Variants in KLHL28 observed in about 807,000 individuals in gnomAD.
The protein encoded by KLHL28 is kelch like family member 28, also known as kelch-like protein 28.
A neutral mutation model predicts 48.3 loss-of-function variants in KLHL28; 22 were observed. The ratio of observed to expected loss-of-function variants is 0.46; its 90% CI spans 0.33 to 0.65. KLHL28 has a LOEUF of 0.65. Among genes scored for constraint, KLHL28 ranks in the 30% least tolerant of loss-of-function variants. The probability of loss-of-function intolerance (pLI) is 0.03; values close to 1 mark genes in which losing one functional copy is unlikely to be tolerated. For synonymous variants in KLHL28, 243 were observed against 242.4 expected, an observed-to-expected ratio of 1.00 and a Z score of -0.02; for missense variants, 527 against 704.3, an observed-to-expected ratio of 0.75 and a Z score of 2.85.
rs770354783 is a variant in KLHL28 at position 44,945,504 on chromosome 14, C to T, written c.425G>A (p.Arg142His). The change falls in exon 2 of 5, where the codon CGT becomes CAT. Residue 142 changes from arginine to histidine, a missense_variant. Coordinates refer to ENST00000396128, the MANE Select transcript of KLHL28 (RefSeq NM_017658.5). Reference sequence around the variant, plus strand: ...ACGGCAACCATATGTTTCTGCAAAACGAGAAATTCCAATACAATTACCAGG... The same window carrying T: ...ACGGCAACCATATGTTTCTGCAAAATGAGAAATTCCAATACAATTACCAGG... The part of the protein sequence containing the change: ...LDPGNCIGIS[R>H]FAETYGCRDL... 27 of 1,614,148 alleles carry T rather than the reference C, an allele frequency of 1.7e-5. No individual in the cohort carries two copies. Among genetic ancestry groups the T allele is most frequent in the East Asian group, 4.5e-5 (2 of 44,886 alleles).
chr14:44,961,653 GAGGAA>G (rs1344366456), intron 1 of KLHL28, 188 bp downstream of exon 1: 2 of 152,194 alleles, frequency 1.3e-5, no homozygotes, highest in Admixed American at 1.3e-4. Context: ...CAGATGGCAA[GAGGAA>G]AGGATCGCAG....
intron 1 of KLHL28, among the ~76,000 whole-genome samples, chr14:44,955,475 CAGA>C (rs1884755199): frequency 1.3e-5 from 2 of 152,008 alleles, no homozygotes. Context: ...ATGTCTGGGG[CAGA>C]AGATGTCAAG....
Position 44,945,487 on chromosome 14 carries a change from CAT to C in KLHL28, c.440_441del (p.Tyr147TrpfsTer4). 2 of 1,614,132 alleles carry C rather than the reference CAT, an allele frequency of 1.2e-6. No homozygotes were observed. The highest frequency in any genetic ancestry group is 1.7e-6 in the Non-Finnish European group (2 of 1,180,024). On this transcript the variant is annotated frameshift_variant, in exon 2 of 5. Transcript: ENST00000396128. LOFTEE classifies it high-confidence loss of function. ...CIGISRFAET[Y>X]GCRDLYLAAT... The stretch of plus-strand genomic sequence containing the variant: ...GCTGCCAAATAAAGGTCACGGCAAC[CAT>C]ATGTTTCTGCAAAACGAGAAATTCC...
In KLHL28 at chr14:44,944,588, A is replaced by G. The variant is rs182196812; in HGVS notation, c.899+442T>C. ...TATTTTTTCTCATTTCTTTGGTAGC[A>G]CTTCTAGTGAACTGTTTTCATTCAA... On this transcript the variant is annotated intron_variant, in intron 2 of 4. Coordinates refer to ENST00000396128, the MANE Select transcript of KLHL28 (RefSeq NM_017658.5). Among the ~76,000 whole-genome samples, 7 of 152,340 alleles carry G rather than the reference A, an allele frequency of 4.6e-5. No individual in the cohort carries two copies. In the East Asian group the frequency reaches 1.2e-3, roughly 25 times the overall value.
rs1883369136 is a variant in KLHL28, at chr14:44,926,289, AT to A, written c.*2738del. The A allele has an allele frequency of 3.3e-5, 5 of 152,288 alleles. No homozygotes were observed. The South Asian group carries it at 1.0e-3, about 32-fold the overall frequency. 9.4% of individuals were successfully genotyped at this position (152,288 alleles called of 1,614,324 possible). A position where few individuals can be genotyped will look rare whatever the true frequency, so the allele number is the denominator to read the frequency against. ...TTTCCTCTTCCTTTCACAGATTTTC[AT>A]AATTTGTTCACTGGTGTATGGCTCC... On this transcript the variant is annotated 3_prime_UTR_variant, in exon 5 of 5. Coordinates refer to ENST00000396128, the MANE Select transcript of KLHL28 (RefSeq NM_017658.5).
intron 4 of KLHL28, 76 bp from the exon 5 acceptor site, chr14:44,929,267 G>T (rs368877584): frequency 1.6e-6 from 2 of 1,228,356 alleles, no homozygotes; most frequent in Non-Finnish European, 2.2e-6. Context: ...AAATAAATTT[G>T]TATTTTAATG....
At chr14:44,933,133 G>GT (rs972241261) in intron 3 of KLHL28, among the ~76,000 whole-genome samples, 1 of 151,850 alleles carries the variant, frequency 6.6e-6, no homozygotes, top group African/African-American at 2.4e-5. Flanking sequence ...GTATTATTTT[G>GT]TTTTTTATTA....
chr14:44,944,079 A>C (rs181163258), intron 2 of KLHL28, among the ~76,000 whole-genome samples: 12 of 152,344 alleles, frequency 7.9e-5, no homozygotes, highest in Admixed American at 3.9e-4. Flanking sequence ...AGGGAAAAGC[A>C]ATCTACCAAA....
At chr14:44,934,633 T>A in intron 2 of KLHL28, 75 bp from the exon 3 acceptor site, 1 of 1,124,832 alleles carries the variant, frequency 8.9e-7, no homozygotes, top group Non-Finnish European at 1.2e-6. Context: ...TTAATCTTAT[T>A]AGTAATCAGG....
At chr14:44,958,105 C>A (rs1317975102) in intron 1 of KLHL28, among the ~76,000 whole-genome samples, 51 of 142,758 alleles carry the variant, frequency 3.6e-4, no homozygotes, top group African/African-American at 1.2e-3. Context: ...ATAAAACAAA[C>A]AATAGTATTC....
intron 2 of KLHL28, among the ~76,000 whole-genome samples, chr14:44,943,876 A>G (rs558395229): frequency 6.6e-6 from 1 of 152,086 alleles, no homozygotes; most frequent in African/African-American, 2.4e-5. Flanking sequence ...CACCACTCCC[A>G]GATAATATTT....
Position 44,945,778 on chromosome 14 carries a change from C to A in KLHL28, c.151G>T (p.Val51Leu). Residue 51 changes from valine to leucine, a missense_variant, in exon 2 of 5, where the codon GTG becomes TTG. Coordinates refer to ENST00000396128, the MANE Select transcript of KLHL28 (RefSeq NM_017658.5). Reference sequence around the variant, plus strand: ...TACGGGCTGACGCTGGCAAGTACCACTTTGTGAGCATGAATTTTAACATCA... The same window carrying A: ...TACGGGCTGACGCTGGCAAGTACCAATTTGTGAGCATGAATTTTAACATCA... The part of the protein sequence containing the change: ...VGDVKIHAHK[V>L]VLASVSPYFK... 1 of 1,614,140 alleles carries A rather than the reference C, an allele frequency of 6.2e-7. No homozygotes were observed. Among genetic ancestry groups the A allele is most frequent in the Non-Finnish European group, 8.5e-7 (1 of 1,180,022 alleles).
chr14:44,950,748 C>A (rs1389409402), intron 1 of KLHL28, among the ~76,000 whole-genome samples: 12 of 152,142 alleles, frequency 7.9e-5, no homozygotes, highest in Non-Finnish European at 1.0e-4. Flanking sequence ...TGTAAATATG[C>A]CTTTCTATGT....
intron 2 of KLHL28, among the ~76,000 whole-genome samples, chr14:44,943,177 C>A (rs1241584006): frequency 6.6e-6 from 1 of 152,040 alleles, no homozygotes; most frequent in Non-Finnish European, 1.5e-5. Context: ...GGCAACTGCT[C>A]AAAAATTTTT....
At chr14:44,944,643 C>T (rs1884244363) in intron 2 of KLHL28, among the ~76,000 whole-genome samples, 1 of 152,170 alleles carries the variant, frequency 6.6e-6, no homozygotes, top group Non-Finnish European at 1.5e-5. Flanking sequence ...TCCCTCACCA[C>T]AGGTTCCTAG....
chr14:44,952,969 ATTTGG>A (rs1884651154), intron 1 of KLHL28, among the ~76,000 whole-genome samples: 1 of 151,878 alleles, frequency 6.6e-6, no homozygotes, highest in South Asian at 2.1e-4. Context: ...AGTCGGACAG[ATTTGG>A]ATTTAAGTCT....
In KLHL28 at chr14:44,945,306, T is replaced by C. The variant is rs752602750; in HGVS notation, c.623A>G (p.Tyr208Cys). 1 of 1,614,196 alleles carries C rather than the reference T, an allele frequency of 6.2e-7. No individual in the cohort carries two copies. Among genetic ancestry groups the C allele is most frequent in the South Asian group, 1.1e-5 (1 of 91,088 alleles). Residue 208 changes from tyrosine to cysteine, a missense_variant, in exon 2 of 5, where the codon TAT (tyrosine) becomes TGT (cysteine). Transcript: ENST00000396128. ...GTATTTCTGGCGTTCTTGTACATCA[T>C]ACTTGATCCAAGACTCTAATGCATA... ...VFYALESWIK[Y>C]DVQERQKYLA...
intron 1 of KLHL28, chr14:44,960,902 G>A (rs1176665840): frequency 1.3e-6 from 2 of 1,540,394 alleles, no homozygotes; most frequent in Non-Finnish European, 1.8e-6. Flanking sequence ...ACAGAGCAGG[G>A]TAGGAATACT....
Position 44,925,731 on chromosome 14 carries a change from A to C in KLHL28, c.*3297T>G, listed in dbSNP as rs1468274449. 6.6e-6 allele frequency: 1 copy of C among 152,172 alleles called. No individual in the cohort carries two copies. Among genetic ancestry groups the C allele is most frequent in the Non-Finnish European group, 1.5e-5 (1 of 67,972 alleles). 9.4% of individuals were successfully genotyped at this position (152,172 alleles called of 1,614,324 possible). A position where few individuals can be genotyped will look rare whatever the true frequency, so the allele number is the denominator to read the frequency against. ...TAATGCCATTTTCCTATCACTTGAT[A>C]CCACTTCCTATAATTTAATATTCAC... On this transcript the variant is annotated 3_prime_UTR_variant, in exon 5 of 5. Coordinates refer to ENST00000396128, the MANE Select transcript of KLHL28 (RefSeq NM_017658.5).
Sources: allele counts gnomAD v4.1 joint callset (sites outside exome capture counted in the v4.1 genomes callset), GRCh38; gene constraint gnomAD v4.1.1; transcripts MANE v1.5; gene names NCBI Gene and HGNC (gene_info 2026-07-23, HGNC 2026-07-21).